Variants in DVL3 observed in about 807,000 individuals in gnomAD.
DVL3 encodes segment polarity protein dishevelled homolog DVL-3.
In DVL3, 27 loss-of-function variants were observed where a neutral mutation model predicts 67.4. The observed-to-expected ratio is 0.40, with a 90% CI of 0.30 to 0.55. DVL3 has a LOEUF of 0.55. DVL3 is among the 20% of genes least tolerant of loss of function. DVL3 has a pLI of 0.46. For synonymous variants in DVL3, 369 were observed against 396.8 expected (o/e 0.93, Z 0.83); for missense variants, 819 against 1,021.5 (o/e 0.80, Z 2.70).
chr3:184,156,961 C>G (rs1203361177), intron 1 of DVL3: 1 of 162,424 alleles, frequency 6.2e-6, no homozygotes, highest in African/African-American at 2.4e-5. Context: ...TCCCAAGCCC[C>G]TGGCCCACCT....
rs1229278457 is a variant in DVL3, at chr3:184,163,712, C to T, written c.217C>T (p.Arg73Trp). The T allele has an allele frequency of 1.2e-6, 2 of 1,613,834 alleles. No individual in the cohort carries two copies. Among genetic ancestry groups the T allele is most frequent in the Non-Finnish European group, 1.7e-6 (2 of 1,179,990 alleles). ...DNAKLPCFNG[R>W]VVSWLVSAEG... ...TGCCAAGCTACCATGCTTCAATGGC[C>T]GGGTGGTGTCCTGGGTAAGGAGCCC... The change falls in exon 2 of 15, where the codon CGG (arginine) becomes TGG (tryptophan). Residue 73 changes from arginine to tryptophan, a missense_variant. By Grantham distance (101) the Arg-to-Trp change is moderately radical. This residue lies in a region of DVL3 where 385 missense variants were observed against 486.8 expected (regional missense o/e 0.79). Transcript: ENST00000313143. This position sits in a 1 kb window ranked among gnomAD's most constrained non-coding sequence, Gnocchi z 4.5.
rs938671749 is a variant in DVL3 at position 184,166,744 on chromosome 3, T to C, written c.1048+71T>C. 12 of 1,612,586 alleles carry C rather than the reference T, an allele frequency of 7.4e-6. No homozygotes were observed. In the African/African-American group the frequency reaches 1.2e-4, roughly 16 times the overall value. ...TGAGCACTGTCTCTCCTTTCTTCTC[T>C]CACCCAGAACCCCCATATCTATCCT... On this transcript the variant is annotated intron_variant, in intron 10 of 14. Coordinates refer to ENST00000313143, the MANE Select transcript of DVL3 (RefSeq NM_004423.4). This position sits in a 1 kb window ranked among gnomAD's most constrained non-coding sequence, Gnocchi z 6.7.
At position 184,171,419 on chromosome 3, in the gene DVL3, C is replaced by G. The variant is rs113306532; in HGVS notation, c.*664C>G. The G allele has an allele frequency of 0.031, 30,452 of 994,244 alleles. 498 individuals are homozygous for G. The highest frequency in any genetic ancestry group is 0.041 in the Middle Eastern group (79 of 1,946). The allele number at this position is 994,244 out of a possible 1,614,324, so 61.6% of individuals were successfully genotyped here. ...AGCTGGTGGCTTCCAGGGAGCATCT[C>G]TGCTCTACCCCTGCCCCATGCCTGC... On this transcript the variant is annotated 3_prime_UTR_variant, in exon 15 of 15. Coordinates refer to ENST00000313143, the MANE Select transcript of DVL3 (RefSeq NM_004423.4).
Position 184,163,797 on chromosome 3 carries a change from G to A in DVL3, c.231+71G>A, listed in dbSNP as rs956173111. ...CTGGACGAGGGAAAGGCATCACTGA[G>A]ATTGTAGCTGGTGGTTTTAAGCTTC... On this transcript the variant is annotated intron_variant, in intron 2 of 14. Transcript: ENST00000313143. This position sits in a 1 kb window ranked among gnomAD's most constrained non-coding sequence, Gnocchi z 4.5. The A allele has an allele frequency of 1.0e-5, 14 of 1,368,846 alleles. No individual in the cohort carries two copies. Among genetic ancestry groups the A allele is most frequent in the Non-Finnish European group, 1.5e-5 (14 of 964,406 alleles). 84.8% of individuals were successfully genotyped at this position (1,368,846 alleles called of 1,614,324 possible).
In DVL3 at chr3:184,166,474, G is replaced by A; in HGVS notation, c.932G>A (p.Ser311Asn). The A allele has an allele frequency of 6.2e-7, 1 of 1,614,174 alleles. No individual in the cohort carries two copies. The highest frequency in any genetic ancestry group is 8.5e-7 in the Non-Finnish European group (1 of 1,180,028). Residue 311 changes from serine (S) to asparagine (N), a missense_variant, in exon 9 of 15, where the codon AGT becomes AAT. Ser to Asn is a conservative substitution (Grantham distance 46). Transcript: ENST00000313143. The surrounding 1 kb of genome is among the most constrained non-coding windows in gnomAD (Gnocchi z 6.7). ...QVNEINFENM[S>N]NDDAVRVLRE... ...AACGAGATCAACTTTGAGAACATGA[G>A]TAATGACGATGCAGTCCGGGTACTG...
chr3:184,157,436 C>T (rs1714238273), intron 1 of DVL3, among the ~76,000 whole-genome samples: 1 of 152,196 alleles, frequency 6.6e-6, no homozygotes, highest in Non-Finnish European at 1.5e-5. Flanking sequence ...TCCAGACCCA[C>T]TGGACCTGGC....
In DVL3 at chr3:184,170,744, G is replaced by A; in HGVS notation, c.2140G>A (p.Asp714Asn). 1 of 1,613,384 alleles carries A rather than the reference G, an allele frequency of 6.2e-7. No individual in the cohort carries two copies. Residue 714 changes from aspartate to asparagine, a missense_variant, in exon 15 of 15, where the codon GAT (aspartate) becomes AAT (asparagine). Asp to Asn is a conservative substitution (Grantham distance 23). Coordinates refer to ENST00000313143, the MANE Select transcript of DVL3 (RefSeq NM_004423.4). This position sits in a 1 kb window ranked among gnomAD's most constrained non-coding sequence, Gnocchi z 6.5. ...GGGAAACCCCAGTGAGTTCTTTGTG[G>A]ATGTGATGTGAGCAGGGCCCCTCCC... The part of the protein sequence containing the change: ...AMGNPSEFFV[D>N]VM
rs1577051048 is a variant in DVL3 at position 184,167,999 on chromosome 3, C to T, written c.1432C>T (p.Arg478Cys). The T allele has an allele frequency of 5.0e-6, 8 of 1,614,264 alleles. No homozygotes were observed. Among genetic ancestry groups the T allele is most frequent in the Non-Finnish European group, 6.8e-6 (8 of 1,180,052 alleles). The change falls in exon 13 of 15, where the codon CGC becomes TGC. Residue 478 changes from arginine (R) to cysteine (C), a missense_variant. Around this residue, in one of 3 missense-constraint regions of DVL3, gnomAD observed 110 missense variants for 203.4 expected, o/e 0.54. Transcript: ENST00000313143. This position sits in a 1 kb window ranked among gnomAD's most constrained non-coding sequence, Gnocchi z 4.6. ...ASNLLKAGFI[R>C]HTVNKITFSE... ...CAACCTGCTGAAAGCTGGCTTCATC[C>T]GCCATACCGTCAACAAGATCACCTT...
chr3:184,164,543 G>A lies in DVL3; in HGVS notation c.405G>A (p.Thr135=), dbSNP rs1687251. The A allele has an allele frequency of 7.0e-6, 11 of 1,581,724 alleles. 1 individual carries two copies. The South Asian group carries it at 7.0e-5, about 10-fold the overall frequency. The change falls in exon 4 of 15, where the codon ACG becomes ACA. Residue 135 remains threonine (T), a synonymous_variant. Transcript: ENST00000313143. This position sits in a 1 kb window ranked among gnomAD's most constrained non-coding sequence, Gnocchi z 5.3. ...AGAACCTGGACAATGACACAGAGACGGACTCTTTGGTGTCTGCCCAGCGAG... is the reference window on the plus strand; with the variant it reads ...AGAACCTGGACAATGACACAGAGACAGACTCTTTGGTGTCTGCCCAGCGAG... The part of the protein sequence containing the change: ...SQENLDNDTE[T]DSLVSAQRER...
At chr3:184,159,978 C>G (rs933752466) in intron 1 of DVL3, among the ~76,000 whole-genome samples, 6 of 151,342 alleles carry the variant, frequency 4.0e-5, no homozygotes, top group African/African-American at 1.5e-4. Flanking sequence ...CTCGCTGTGT[C>G]GCCCAGGCTG....
At chr3:184,168,997 G>T (rs1280633379) in intron 13 of DVL3, among the ~76,000 whole-genome samples, 1 of 152,126 alleles carries the variant, frequency 6.6e-6, no homozygotes, top group African/African-American at 2.4e-5. Context: ...CACCTAAGTT[G>T]TTCTTTCCTT....
chr3:184,172,930 T>C lies in DVL3; in HGVS notation c.*2175T>C, dbSNP rs1714897399. ...CTGTCTTGTCCGACTCTCTTGAGAA[T>C]TTCTCAACGATTGCTCATGCCTGTC... On this transcript the variant is annotated 3_prime_UTR_variant, in exon 15 of 15. Transcript: ENST00000313143. 2 of 152,260 alleles carry C rather than the reference T, an allele frequency of 1.3e-5. 1 individual carries two copies. Among genetic ancestry groups the C allele is most frequent in the South Asian group, 4.1e-4 (2 of 4,834 alleles). The allele number at this position is 152,260 out of a possible 1,614,324, so 9.4% of individuals were successfully genotyped here.
In DVL3 at chr3:184,170,377, G is replaced by T; in HGVS notation, c.1773G>T (p.Pro591=). Residue 591 remains proline, a synonymous_variant, in exon 15 of 15, where the codon CCG becomes CCT. Transcript: ENST00000313143. This position sits in a 1 kb window ranked among gnomAD's most constrained non-coding sequence, Gnocchi z 6.5. ...SGSDRRKEKD[P]KAGDSKSGGS... ...GCGATCGGAGGAAGGAGAAGGACCC[G>T]AAGGCCGGGGACTCCAAGTCCGGGG... 1.9e-6 allele frequency: 3 copies of T among 1,605,304 alleles called. No individual in the cohort carries two copies. The highest frequency in any genetic ancestry group is 2.6e-6 in the Non-Finnish European group (3 of 1,176,248).
In DVL3 at chr3:184,164,990, C is replaced by T; in HGVS notation, c.599+59C>T. 6.2e-7 allele frequency: 1 copy of T among 1,611,642 alleles called. No homozygotes were observed. The highest frequency in any genetic ancestry group is 8.5e-7 in the Non-Finnish European group (1 of 1,178,602). ...GGTGACCCTGGAGGAGCCCTAAACCCTGAGGATGCGGGGCCCCTGGGAGGC... is the reference window on the plus strand; with the variant it reads ...GGTGACCCTGGAGGAGCCCTAAACCTTGAGGATGCGGGGCCCCTGGGAGGC... On this transcript the variant is annotated intron_variant, in intron 5 of 14. Coordinates refer to ENST00000313143, the MANE Select transcript of DVL3 (RefSeq NM_004423.4). This position sits in a 1 kb window ranked among gnomAD's most constrained non-coding sequence, Gnocchi z 5.3.
At chr3:184,168,956 C>T (rs1560120235) in intron 13 of DVL3, among the ~76,000 whole-genome samples, 1 of 152,174 alleles carries the variant, frequency 6.6e-6, no homozygotes, top group Non-Finnish European at 1.5e-5. Flanking sequence ...CTAGGCCTGG[C>T]TGGGAACGGG....
chr3:184,168,111 G>C, intron 13 of DVL3, 46 bp downstream of exon 13: 6 of 1,588,024 alleles, frequency 3.8e-6, no homozygotes, highest in Non-Finnish European at 5.2e-6. Context: ...GGCTGGGAGT[G>C]GGGAGGTAGC....
intron 1 of DVL3, chr3:184,156,780 C>A (rs1312827550): frequency 1.4e-5 from 4 of 282,784 alleles, no homozygotes; most frequent in East Asian, 1.9e-4. Flanking sequence ...CCCACACTTG[C>A]CTGCCGCCTC....
intron 1 of DVL3, among the ~76,000 whole-genome samples, chr3:184,161,337 G>A (rs1338690245): frequency 1.3e-5 from 2 of 152,062 alleles, no homozygotes; most frequent in Non-Finnish European, 2.9e-5. Flanking sequence ...TGAGGCAGGA[G>A]AATCACTTGA....
rs980737555 is a variant in DVL3, at chr3:184,173,509, G to T, written c.*2754G>T. 1 of 152,068 alleles carries T rather than the reference G, an allele frequency of 6.6e-6. No homozygotes were observed. The highest frequency in any genetic ancestry group is 1.5e-5 in the Non-Finnish European group (1 of 68,034). 9.4% of individuals were successfully genotyped at this position (152,068 alleles called of 1,614,324 possible). ...GATGATAATAATACCTACCTCACAG[G>T]GTTGTTGTGAGGATTTAAATTAGAT... On this transcript the variant is annotated 3_prime_UTR_variant, in exon 15 of 15. Coordinates refer to ENST00000313143, the MANE Select transcript of DVL3 (RefSeq NM_004423.4).
Sources: gnomAD v4.1 joint callset for allele counts (sites outside exome capture counted in the v4.1 genomes callset) on GRCh38, gnomAD v4.1.1 for gene constraint, gnomAD v4.1.1 regional missense constraint, Gnocchi (gnomAD v3.1) non-coding constraint, MANE v1.5 for transcripts, NCBI Gene and HGNC (gene_info 2026-07-23, HGNC 2026-07-21) for gene names.